Variants in TAFA4 observed in about 807,000 individuals in gnomAD.
TAFA4 encodes TAFA chemokine like family member 4, also known as chemokine-like protein TAFA-4.
Under a neutral mutation model 21.1 loss-of-function variants are expected in TAFA4, and 20 were observed. The observed-to-expected ratio is 0.95, with a 90% CI of 0.67 to 1.38. The LOEUF (loss-of-function observed/expected upper bound fraction) is 1.38, where lower values mean the gene tolerates loss of function less well. TAFA4 is among the 40% of genes most tolerant of loss of function. The pLI is 0.00. For missense variants in TAFA4, 211 were observed against 180.9 expected, an observed-to-expected ratio of 1.17 and a Z score of -0.95; for synonymous variants, 71 against 67.4, an observed-to-expected ratio of 1.05 and a Z score of -0.26.
intron 1 of TAFA4, among the ~76,000 whole-genome samples, chr3:68,889,746 C>T (rs1332662598): frequency 6.6e-6 from 1 of 152,188 alleles, no homozygotes; most frequent in African/African-American, 2.4e-5. Context: ...CATAATTTCT[C>T]TGCATTCCTA....
chr3:68,747,931 C>T (rs898867389), intron 4 of TAFA4, among the ~76,000 whole-genome samples: 5 of 152,144 alleles, frequency 3.3e-5, no homozygotes, highest in East Asian at 3.9e-4. Flanking sequence ...TTCTAGTTCC[C>T]GAGTTAGCCC....
intron 3 of TAFA4, among the ~76,000 whole-genome samples, chr3:68,857,552 T>C (rs1705097588): frequency 6.6e-6 from 1 of 152,164 alleles, no homozygotes; most frequent in Non-Finnish European, 1.5e-5. Context: ...AAACCATGAA[T>C]ACTTTACTAA....
intron 3 of TAFA4, among the ~76,000 whole-genome samples, chr3:68,789,859 T>A (rs1703330870): frequency 6.6e-6 from 1 of 152,152 alleles, no homozygotes; most frequent in African/African-American, 2.4e-5. Flanking sequence ...AAAACCGTGG[T>A]AACCTCTCAC....
chr3:68,893,831 C>A (rs1241829077), intron 1 of TAFA4, among the ~76,000 whole-genome samples: 1 of 152,130 alleles, frequency 6.6e-6, no homozygotes, highest in African/African-American at 2.4e-5. Flanking sequence ...GACAATGGTG[C>A]CCTCCTGTGG....
At chr3:68,864,257 AAAAC>A (rs1414118133) in intron 3 of TAFA4, among the ~76,000 whole-genome samples, 5 of 152,192 alleles carry the variant, frequency 3.3e-5, no homozygotes, top group Non-Finnish European at 7.4e-5. Flanking sequence ...CAATACTGAG[AAAAC>A]AAACAATGTG....
chr3:68,906,795 C>T (rs963077246), intron 1 of TAFA4, among the ~76,000 whole-genome samples: 1 of 151,956 alleles, frequency 6.6e-6, no homozygotes. Context: ...TTTGGGAGGC[C>T]GAGGCGGGTG....
chr3:68,909,571 G>T (rs1387852102), intron 1 of TAFA4, among the ~76,000 whole-genome samples: 1 of 152,172 alleles, frequency 6.6e-6, no homozygotes, highest in Non-Finnish European at 1.5e-5. Flanking sequence ...GAGCCCCAAG[G>T]AGCTGGCTGA....
At chr3:68,861,782 G>A (rs1157221874) in intron 3 of TAFA4, among the ~76,000 whole-genome samples, 1 of 152,084 alleles carries the variant, frequency 6.6e-6, no homozygotes, top group African/African-American at 2.4e-5. Context: ...GTAGAAGGCA[G>A]TGGAAAATCA....
intron 3 of TAFA4, among the ~76,000 whole-genome samples, chr3:68,858,388 G>A (rs1203845835): frequency 6.6e-6 from 1 of 151,256 alleles, no homozygotes; most frequent in African/African-American, 2.5e-5. Flanking sequence ...CGTTAACGCA[G>A]TGTACCTCCT....
At chr3:68,907,367 T>A (rs1387135597) in intron 1 of TAFA4, among the ~76,000 whole-genome samples, 8 of 152,158 alleles carry the variant, frequency 5.3e-5, no homozygotes, top group Admixed American at 2.6e-4. Flanking sequence ...TGGATCCTCA[T>A]ATGAAAACTC....
chr3:68,885,201 T>C lies in TAFA4; in HGVS notation c.-13A>G, dbSNP rs1159802701. 3.7e-6 allele frequency: 6 copies of C among 1,612,042 alleles called. No individual in the cohort carries two copies. In the South Asian group the frequency reaches 5.5e-5, roughly 15 times the overall value. On this transcript the variant is annotated 5_prime_UTR_variant, in exon 2 of 6. It removes the in-frame stop codon of an upstream open reading frame in the 5' UTR. Transcript: ENST00000295569. ...TTGGGGACCTCATAAGATGTGGTTC[T>C]AGTCAAACACACTTATTCCAGGATA...
rs942419507 is a variant in TAFA4, at chr3:68,791,985, C to G, written c.131-38967G>C. On this transcript the variant is annotated intron_variant, in intron 3 of 5. Transcript: ENST00000295569. The stretch of plus-strand genomic sequence containing the variant: ...GTACCCTAAGGCAGAGATTTAGATT[C>G]TAAAAAAAAACTCTGAGACTGTCAG... Among the ~76,000 whole-genome samples the G allele has an allele frequency of 3.3e-5, 5 of 151,936 alleles. No homozygotes were observed. The South Asian group carries it at 1.0e-3, about 32-fold the overall frequency.
intron 3 of TAFA4, among the ~76,000 whole-genome samples, chr3:68,841,633 G>T (rs1425760318): frequency 6.6e-6 from 1 of 152,000 alleles, no homozygotes; most frequent in South Asian, 2.1e-4. Context: ...GTGCCATGGT[G>T]GTTTGCTGCA....
intron 3 of TAFA4, among the ~76,000 whole-genome samples, chr3:68,877,946 A>G (rs1445341293): frequency 6.6e-6 from 1 of 152,200 alleles, no homozygotes; most frequent in Non-Finnish European, 1.5e-5. Context: ...TAAAATAGGC[A>G]TGGATATCAT....
chr3:68,878,612 C>A (rs1438060262), intron 3 of TAFA4, among the ~76,000 whole-genome samples: 1 of 152,186 alleles, frequency 6.6e-6, no homozygotes, highest in African/African-American at 2.4e-5. Flanking sequence ...TTAGCCCTGG[C>A]CTCCTTTTAA....
chr3:68,921,372 G>GA (rs932852929), intron 1 of TAFA4, among the ~76,000 whole-genome samples: 2 of 151,362 alleles, frequency 1.3e-5, no homozygotes, highest in Non-Finnish European at 2.9e-5. Context: ...AACAAGTGAA[G>GA]AAAAAAAAGC....
intron 3 of TAFA4, among the ~76,000 whole-genome samples, chr3:68,795,987 A>G (rs1225718965): frequency 1.3e-5 from 2 of 152,130 alleles, no homozygotes; most frequent in East Asian, 1.9e-4. Flanking sequence ...GTCTTGGAGA[A>G]GAGCTGGAAG....
intron 1 of TAFA4, among the ~76,000 whole-genome samples, chr3:68,894,953 CA>C (rs1240453137): frequency 6.6e-6 from 1 of 152,174 alleles, no homozygotes; most frequent in Non-Finnish European, 1.5e-5. Context: ...CTCCCAGGTT[CA>C]AGCAATTCTC....
At chr3:68,774,901 G>A (rs891088491) in intron 3 of TAFA4, among the ~76,000 whole-genome samples, 1 of 152,074 alleles carries the variant, frequency 6.6e-6, no homozygotes, top group Non-Finnish European at 1.5e-5. Flanking sequence ...CAAAACATAG[G>A]AGGAGGCTCT....
Sources: allele counts gnomAD v4.1 joint callset (sites outside exome capture counted in the v4.1 genomes callset), GRCh38; gene constraint gnomAD v4.1.1; transcripts MANE v1.5; gene names NCBI Gene and HGNC (gene_info 2026-07-23, HGNC 2026-07-21).